RUFY3: variants seen among roughly 807,000 people sequenced by gnomAD.
RUFY3 encodes protein RUFY3.
A neutral mutation model predicts 84.0 loss-of-function variants in RUFY3; 34 were observed. That is an observed-to-expected ratio of 0.40 (90% CI 0.31 to 0.54). RUFY3 has a LOEUF of 0.54. Among genes scored for constraint, RUFY3 ranks in the 20% least tolerant of loss-of-function variants. RUFY3 has a pLI of 0.39. For synonymous variants in RUFY3, 242 were observed against 252.9 expected (o/e 0.96, Z 0.41); for missense variants, 507 against 736.8 (o/e 0.69, Z 3.61).
chr4:70,717,978 G>A (rs1202763604), upstream of RUFY3, among the ~76,000 whole-genome samples: 2 of 149,552 alleles, frequency 1.3e-5, no homozygotes, highest in East Asian at 3.9e-4. Context: ...CGCCTCCCGG[G>A]TTCACGCCAT....
intron 10 of RUFY3, among the ~76,000 whole-genome samples, chr4:70,787,187 A>AATATATATAT (rs1202870337): frequency 1.2e-4 from 10 of 81,458 alleles, no homozygotes; most frequent in African/African-American, 4.7e-4. Context: ...AAAAAAAAAA[A>AATATATATAT]ATATATATAT....
At chr4:70,798,899 C>A (rs1311417230) in intron 14 of RUFY3, among the ~76,000 whole-genome samples, 1 of 151,976 alleles carries the variant, frequency 6.6e-6, no homozygotes, top group Non-Finnish European at 1.5e-5. Context: ...GCCTGTAATC[C>A]CAGCACTTTG....
intron 1 of RUFY3, among the ~76,000 whole-genome samples, chr4:70,739,878 C>T (rs920090391): frequency 1.3e-5 from 2 of 149,190 alleles, no homozygotes; most frequent in African/African-American, 2.5e-5. Flanking sequence ...ATAATCCCAG[C>T]TACTCTGGAG....
At chr4:70,792,178 T>A in intron 12 of RUFY3, 1 of 985,504 alleles carries the variant, frequency 1.0e-6, no homozygotes, top group Non-Finnish European at 1.2e-6. Flanking sequence ...TTTCTTATAT[T>A]GGAGTAAAAA....
rs376933690 is a variant in RUFY3 at position 70,783,176 on chromosome 4, A to G, written c.980A>G (p.Asn327Ser). ...KEESSYILES[N>S]RKGPKQDRTA... ...GAAAGTTCCTACATACTGGAATCCA[A>G]TCGGAAGGTTAATCTTACTGGATTT... Residue 327 changes from asparagine (N) to serine (S), a missense_variant, in exon 9 of 18, where the codon AAT (asparagine) becomes AGT (serine). Asn to Ser is a conservative substitution (Grantham distance 46). This residue lies in a region of RUFY3 where 334 missense variants were observed against 364.1 expected (regional missense o/e 0.92). Transcript: ENST00000381006. 1.3e-5 allele frequency: 21 copies of G among 1,580,830 alleles called. No individual in the cohort carries two copies. Among genetic ancestry groups the G allele is most frequent in the Non-Finnish European group, 1.8e-5 (21 of 1,150,522 alleles).
Position 70,722,401 on chromosome 4 carries a change from T to C in RUFY3, c.-173T>C. 1 of 1,353,806 alleles carries C rather than the reference T, an allele frequency of 7.4e-7. No individual in the cohort carries two copies. Among genetic ancestry groups the C allele is most frequent in the Non-Finnish European group, 9.5e-7 (1 of 1,054,976 alleles). The allele number at this position is 1,353,806 out of a possible 1,614,324, so 83.9% of individuals were successfully genotyped here. A position where few individuals can be genotyped will look rare whatever the true frequency, so the allele number is the denominator to read the frequency against. On this transcript the variant is annotated 5_prime_UTR_variant, in exon 1 of 18. Transcript: ENST00000381006. ...TCTTGAGCAGTTTGTTCTTAACCTATAAGGTATTTTTCCTTTTTTTTTTTT... is the reference window on the plus strand; with the variant it reads ...TCTTGAGCAGTTTGTTCTTAACCTACAAGGTATTTTTCCTTTTTTTTTTTT...
rs1172962425 is a variant in RUFY3, at chr4:70,762,696, G to A, written c.352+4G>A. On this transcript the variant is annotated splice_donor_region_variant and intron_variant, in intron 2 of 17. Transcript: ENST00000381006. ...TGTCTGAAACATGGCTTGAAAGGTA[G>A]GCCATCACCCCAAAATGCAAATATG... 1.9e-6 allele frequency: 3 copies of A among 1,605,272 alleles called. No individual in the cohort carries two copies. The highest frequency in any genetic ancestry group is 1.1e-5 in the South Asian group (1 of 90,454).
chr4:70,729,841 A>G (rs1718921035), intron 1 of RUFY3, among the ~76,000 whole-genome samples: 1 of 151,914 alleles, frequency 6.6e-6, no homozygotes, highest in Non-Finnish European at 1.5e-5. Context: ...AAGTTTTAGC[A>G]TTGTCCTTTC....
At chr4:70,708,989 T>C (rs1163897250) in intron 1 of RUFY3, among the ~76,000 whole-genome samples, 4 of 152,200 alleles carry the variant, frequency 2.6e-5, no homozygotes, top group Non-Finnish European at 4.4e-5. Context: ...GTCTGGGAAG[T>C]TGAGGATGCA....
chr4:70,749,535 T>C (rs1216318731), intron 1 of RUFY3, among the ~76,000 whole-genome samples: 1 of 152,020 alleles, frequency 6.6e-6, no homozygotes, highest in Non-Finnish European at 1.5e-5. Context: ...TTTTTTTTTT[T>C]TTTGGTTATA....
intron 14 of RUFY3, among the ~76,000 whole-genome samples, chr4:70,795,813 T>C (rs1452633193): frequency 6.6e-6 from 1 of 152,180 alleles, no homozygotes; most frequent in East Asian, 1.9e-4. Flanking sequence ...TGGTGCACTT[T>C]AATGATGTTT....
chr4:70,724,914 G>C (rs1038465543), intron 1 of RUFY3, among the ~76,000 whole-genome samples: 3 of 152,106 alleles, frequency 2.0e-5, no homozygotes, highest in African/African-American at 4.8e-5. Context: ...TGGTCACCAG[G>C]CCCATGATTA....
chr4:70,808,048 T>A lies in RUFY3; in HGVS notation c.*1389T>A, dbSNP rs1025849618. On this transcript the variant is annotated 3_prime_UTR_variant, in exon 18 of 18. Transcript: ENST00000381006. The stretch of plus-strand genomic sequence containing the variant: ...ATATGGTATTTGCATATAACCTACA[T>A]ACATCCTCCTGTGTACTTTAAATCA... Among the ~76,000 whole-genome samples, 2 of 152,184 alleles carry A rather than the reference T, an allele frequency of 1.3e-5. No homozygotes were observed. Among genetic ancestry groups the A allele is most frequent in the Non-Finnish European group, 2.9e-5 (2 of 68,026 alleles).
At chr4:70,710,248 TTGCA>T (rs1275046917) in intron 1 of RUFY3, among the ~76,000 whole-genome samples, 3 of 152,250 alleles carry the variant, frequency 2.0e-5, no homozygotes, top group African/African-American at 7.2e-5. Flanking sequence ...ATCATATATA[TTGCA>T]TGCATGCATG....
intron 4 of RUFY3, 133 bp downstream of exon 4, chr4:70,764,709 A>G: frequency 1.7e-6 from 1 of 598,938 alleles, no homozygotes; most frequent in Non-Finnish European, 2.9e-6. Context: ...ACTTTCTCTC[A>G]TACCTCACAC....
intron 1 of RUFY3, among the ~76,000 whole-genome samples, chr4:70,753,362 G>A (rs1436817242): frequency 6.7e-6 from 1 of 149,252 alleles, no homozygotes; most frequent in Non-Finnish European, 1.5e-5. Context: ...ATTTTTCTCA[G>A]TAGTTGTTTT....
chr4:70,800,021 C>A, intron 14 of RUFY3, 120 bp from the exon 15 acceptor site: 1 of 791,990 alleles, frequency 1.3e-6, no homozygotes, highest in Non-Finnish European at 2.0e-6. Context: ...AGATCCCTTC[C>A]CTAATAAAAA....
At chr4:70,704,648 G>A (rs978600673), upstream of RUFY3, among the ~76,000 whole-genome samples, 2 of 152,108 alleles carry the variant, frequency 1.3e-5, no homozygotes, top group Non-Finnish European at 2.9e-5. Flanking sequence ...GCCCCCTAGG[G>A]GAGCCGAGTC....
chr4:70,767,126 C>T (rs1726076221), intron 4 of RUFY3, among the ~76,000 whole-genome samples: 1 of 151,910 alleles, frequency 6.6e-6, no homozygotes, highest in Admixed American at 6.6e-5. Context: ...ACTCTTGTTG[C>T]CCAGGCTGGA....
Sources: gnomAD v4.1 joint callset for allele counts (sites outside exome capture counted in the v4.1 genomes callset) on GRCh38, gnomAD v4.1.1 for gene constraint, gnomAD v4.1.1 regional missense constraint, MANE v1.5 for transcripts, NCBI Gene and HGNC (gene_info 2026-07-23, HGNC 2026-07-21) for gene names.